The following BPNT1 variants were observed in gnomAD, a reference collection of about 807,000 sequenced individuals.
BPNT1 encodes 3'(2'), 5'-bisphosphate nucleotidase 1, also known as 3'(2'),5'-bisphosphate nucleotidase 1.
In BPNT1, 28 loss-of-function variants were observed where a neutral mutation model predicts 36.9. The observed-to-expected ratio is 0.76, with a 90% CI of 0.56 to 1.04. The LOEUF is 1.04. Among genes scored for constraint, BPNT1 ranks in the 50% least tolerant of loss-of-function variants. BPNT1 has a pLI of 0.00. For synonymous variants in BPNT1, 119 were observed against 130.9 expected (o/e 0.91, Z 0.62); for missense variants, 313 against 372.9 (o/e 0.84, Z 1.32).
intron 7 of BPNT1, among the ~76,000 whole-genome samples, chr1:220,061,449 G>A (rs956361915): frequency 1.3e-5 from 2 of 151,200 alleles, no homozygotes; most frequent in Non-Finnish European, 2.9e-5. Flanking sequence ...CAGGAGAATC[G>A]CTTGAACCCG....
intron 4 of BPNT1, 22 bp from the exon 5 acceptor site, chr1:220,069,454 G>GA (rs1469428733): frequency 1.3e-6 from 2 of 1,580,968 alleles, no homozygotes; most frequent in Non-Finnish European, 1.7e-6. Flanking sequence ...AAGAGAGAAG[G>GA]AAAATATCTA....
At chr1:220,061,284 G>A (rs549377337) in intron 7 of BPNT1, among the ~76,000 whole-genome samples, 8 of 152,186 alleles carry the variant, frequency 5.3e-5, no homozygotes, top group Admixed American at 3.3e-4. Context: ...GACTCTAAAT[G>A]GTAACCTGCT....
chr1:220,074,221 C>T, intron 2 of BPNT1, 150 bp from the exon 3 acceptor site: 1 of 634,224 alleles, frequency 1.6e-6, no homozygotes, highest in East Asian at 3.0e-5. Flanking sequence ...GGTTTCTTGC[C>T]TTGGTTTTTC....
chr1:220,062,749 T>C lies in BPNT1; in HGVS notation c.672+8A>G. On this transcript the variant is annotated splice_region_variant and intron_variant, in intron 7 of 8. Transcript: ENST00000322067. Reference sequence around the variant, plus strand: ...CACTTCAGAGCAGATGACAGACATTTTTCATACCTTATTTCCTGCTCCTCC... The same window carrying C: ...CACTTCAGAGCAGATGACAGACATTCTTCATACCTTATTTCCTGCTCCTCC... 1 of 1,614,016 alleles carries C rather than the reference T, an allele frequency of 6.2e-7. No individual in the cohort carries two copies. The highest frequency in any genetic ancestry group is 8.5e-7 in the Non-Finnish European group (1 of 1,179,834).
intron 6 of BPNT1, among the ~76,000 whole-genome samples, chr1:220,065,748 G>A (rs1663476600): frequency 6.6e-6 from 1 of 152,162 alleles, no homozygotes; most frequent in Non-Finnish European, 1.5e-5. Flanking sequence ...GCAGCATACA[G>A]TAAACTCTTA....
chr1:220,082,110 A>G (rs1454138991), intron 1 of BPNT1, among the ~76,000 whole-genome samples: 1 of 144,604 alleles, frequency 6.9e-6, no homozygotes, highest in Non-Finnish European at 1.5e-5. Flanking sequence ...AGAGAGAGAG[A>G]GAGAGAGAGA....
Position 220,079,795 on chromosome 1 carries a change from T to C in BPNT1, c.52A>G (p.Ile18Val), listed in dbSNP as rs538919048. ...LMRLVASAYS[I>V]AQKAGMIVRR... ...ACTATCATTCCTGCCTTTTGAGCAA[T>C]AGAATATGCGGAGGCTACCAACCGC... is the stretch of plus-strand genomic sequence containing the variant. Residue 18 changes from isoleucine (I) to valine (V), a missense_variant, in exon 2 of 9, where the codon ATT becomes GTT. Coordinates refer to ENST00000322067, the MANE Select transcript of BPNT1 (RefSeq NM_006085.6). 44 of 1,614,080 alleles carry C rather than the reference T, an allele frequency of 2.7e-5. No homozygotes were observed. Among genetic ancestry groups the C allele is most frequent in the African/African-American group, 4.0e-5 (3 of 75,042 alleles).
intron 6 of BPNT1, among the ~76,000 whole-genome samples, chr1:220,065,409 C>T (rs1663451298): frequency 6.6e-6 from 1 of 152,262 alleles, no homozygotes; most frequent in East Asian, 1.9e-4. Flanking sequence ...GACAATTAAG[C>T]TTCAATGGTT....
chr1:220,060,666 CT>C (rs1304782309), intron 7 of BPNT1, among the ~76,000 whole-genome samples: 27 of 150,906 alleles, frequency 1.8e-4, no homozygotes, highest in East Asian at 1.9e-4. Flanking sequence ...AAAATACAAA[CT>C]TTTTTTTTTA....
chr1:220,073,906 G>T, intron 3 of BPNT1, 61 bp downstream of exon 3: 2 of 1,349,134 alleles, frequency 1.5e-6, no homozygotes, highest in Non-Finnish European at 1.1e-6. Flanking sequence ...TCATTAAAGT[G>T]TCAGTTATAA....
chr1:220,060,972 A>C (rs1311966072), intron 7 of BPNT1, among the ~76,000 whole-genome samples: 3 of 152,236 alleles, frequency 2.0e-5, no homozygotes, highest in African/African-American at 7.2e-5. Context: ...GATCTATAGA[A>C]AGAGAATGTT....
At chr1:220,068,974 G>T (rs1259793399) in intron 5 of BPNT1, among the ~76,000 whole-genome samples, 1 of 152,322 alleles carries the variant, frequency 6.6e-6, no homozygotes, top group East Asian at 1.9e-4. Flanking sequence ...TATGAAATGT[G>T]AAAGCAGTTC....
At chr1:220,069,868 G>A (rs991715319) in intron 4 of BPNT1, among the ~76,000 whole-genome samples, 4 of 151,972 alleles carry the variant, frequency 2.6e-5, no homozygotes, top group East Asian at 1.9e-4. Context: ...CTCAGGAGGC[G>A]GAGGTAGCAG....
intron 6 of BPNT1, chr1:220,066,177 C>A: frequency 7.9e-7 from 1 of 1,258,912 alleles, no homozygotes; most frequent in Non-Finnish European, 1.1e-6. Flanking sequence ...ATTATTAACT[C>A]CTAAGCACTT....
In BPNT1 at chr1:220,067,393, C is replaced by T. The variant is rs1486830632; in HGVS notation, c.383G>A (p.Gly128Asp). The T allele has an allele frequency of 2.5e-6, 4 of 1,598,012 alleles. No individual in the cohort carries two copies. The highest frequency in any genetic ancestry group is 3.4e-6 in the Non-Finnish European group (4 of 1,170,204). The change falls in exon 6 of 9, where the codon GGT becomes GAT. Residue 128 changes from glycine to aspartate, a missense_variant and splice_region_variant. Transcript: ENST00000322067. ...AAGAACTGTTACATTGTCAAGAAGA[C>T]CTGCAAAGAAGAAATAAATATCAGT... ...PLDGTKEYTEGLLDNVTVLIG... is the reference protein window; with the variant it reads ...PLDGTKEYTEDLLDNVTVLIG...
Position 220,079,777 on chromosome 1 carries a change from T to G in BPNT1, c.70A>C (p.Met24Leu), listed in dbSNP as rs774006717. 3.1e-6 allele frequency: 5 copies of G among 1,614,168 alleles called. No individual in the cohort carries two copies. The East Asian group carries it at 8.9e-5, about 29-fold the overall frequency. ...TCAGCAATAACACGTCTGACTATCA[T>G]TCCTGCCTTTTGAGCAATAGAATAT... ...SAYSIAQKAGMIVRRVIAEGD... is the reference protein window; with the variant it reads ...SAYSIAQKAGLIVRRVIAEGD... Residue 24 changes from methionine (M) to leucine (L), a missense_variant, in exon 2 of 9, where the codon ATG becomes CTG. Met to Leu is a conservative substitution (Grantham distance 15). Coordinates refer to ENST00000322067, the MANE Select transcript of BPNT1 (RefSeq NM_006085.6).
chr1:220,061,406 C>A (rs1038792444), intron 7 of BPNT1, among the ~76,000 whole-genome samples: 1 of 151,786 alleles, frequency 6.6e-6, no homozygotes. Flanking sequence ...TGGTGGCAGG[C>A]GCCTGTAATC....
At chr1:220,082,085 TAGAGAGAGAGAGAGAGAGAG>T (rs3055555) in intron 1 of BPNT1, among the ~76,000 whole-genome samples, 1 of 103,296 alleles carries the variant, frequency 9.7e-6, no homozygotes, top group Non-Finnish European at 1.9e-5. Flanking sequence ...TATATATATA[TAGAGAGAGAGAGAGAGAGAG>T]AGAGAGAGAG....
At chr1:220,066,782 T>C (rs539933632) in intron 6 of BPNT1, among the ~76,000 whole-genome samples, 22 of 152,306 alleles carry the variant, frequency 1.4e-4, no homozygotes, top group Admixed American at 1.4e-3. Flanking sequence ...CAACACTGAC[T>C]GTAACTTAGG....
Sources: gnomAD v4.1 joint callset for allele counts (sites outside exome capture counted in the v4.1 genomes callset) on GRCh38, gnomAD v4.1.1 for gene constraint, MANE v1.5 for transcripts, NCBI Gene and HGNC (gene_info 2026-07-23, HGNC 2026-07-21) for gene names.